The following SLC24A2 variants were observed in gnomAD, a reference collection of about 807,000 sequenced individuals.
SLC24A2 encodes the protein solute carrier family 24 member 2.
SLC24A2 carries 36 observed loss-of-function variants against 62.0 expected under a neutral mutation model. The ratio of observed to expected loss-of-function variants is 0.58; its 90% CI spans 0.44 to 0.77. The LOEUF is 0.77. SLC24A2 is among the 30% of genes least tolerant of loss of function. SLC24A2 has a pLI of 0.00. For synonymous variants in SLC24A2, 358 were observed against 294.0 expected (o/e 1.22, Z -2.23); for missense variants, 846 against 817.9 (o/e 1.03, Z -0.42).
chr9:19,521,089 CAG>C, intron 9 of SLC24A2, 29 bp from the exon 10 acceptor site: 2 of 1,609,688 alleles, frequency 1.2e-6, no homozygotes, highest in Non-Finnish European at 1.7e-6. Flanking sequence ...ATAAACATCT[CAG>C]TGTTTGAAGT....
intron 2 of SLC24A2, among the ~76,000 whole-genome samples, chr9:19,724,472 T>G (rs901225840): frequency 5.3e-5 from 8 of 152,192 alleles, no homozygotes; most frequent in African/African-American, 1.7e-4. Context: ...AAAGATGAAC[T>G]GGGGAAATGT....
At chr9:20,256,009 G>A in the SLC24A2 span, among the ~76,000 whole-genome samples, 88 of 152,284 alleles carry the variant, frequency 5.8e-4, no homozygotes, top group African/African-American at 2.0e-3. Flanking sequence ...ATCTGGTGAG[G>A]CCATTCTTTA....
At chr9:19,847,559 C>T in the SLC24A2 span, among the ~76,000 whole-genome samples, 1 of 151,996 alleles carries the variant, frequency 6.6e-6, no homozygotes, top group Non-Finnish European at 1.5e-5. Context: ...TAATTTGTCT[C>T]AATTACTTAT....
the SLC24A2 span, among the ~76,000 whole-genome samples, chr9:19,937,230 A>T: frequency 6.6e-6 from 1 of 152,200 alleles, no homozygotes; most frequent in African/African-American, 2.4e-5. Context: ...AACTGGGAGA[A>T]TTTTGGCTGC....
chr9:20,149,208 T>C, the SLC24A2 span, among the ~76,000 whole-genome samples: 10 of 152,176 alleles, frequency 6.6e-5, no homozygotes, highest in African/African-American at 2.4e-4. Flanking sequence ...GGCAAACTCC[T>C]GGTAACTCTA....
chr9:19,649,488 T>G (rs1282983874), intron 2 of SLC24A2, among the ~76,000 whole-genome samples: 1 of 152,026 alleles, frequency 6.6e-6, no homozygotes, highest in Admixed American at 6.6e-5. Flanking sequence ...GGGTAGGGGG[T>G]TGGTGAGAAT....
rs972767295 is a variant in SLC24A2, at chr9:19,756,536, T to A, written c.930+29401A>T. Among the ~76,000 whole-genome samples, 3 of 152,186 alleles carry A rather than the reference T, an allele frequency of 2.0e-5. No homozygotes were observed. In the East Asian group the frequency reaches 5.8e-4, roughly 29 times the overall value. ...CCACAAAATTTGATGCTGACAACAA[T>A]ATTTATATATTATCCTACAGTTTCT... On this transcript the variant is annotated intron_variant, in intron 2 of 10. Coordinates refer to ENST00000341998, the MANE Select transcript of SLC24A2 (RefSeq NM_020344.4).
At chr9:19,529,534 T>G (rs7848526) in intron 8 of SLC24A2, among the ~76,000 whole-genome samples, 109,886 of 151,916 alleles carry the variant, frequency 0.72, 40,733 homozygotes, top group East Asian at 0.94. Flanking sequence ...TGGATGACTG[T>G]AAGACCAAGC....
intron 2 of SLC24A2, among the ~76,000 whole-genome samples, chr9:19,718,179 G>T (rs1228101840): frequency 6.7e-6 from 1 of 150,166 alleles, no homozygotes; most frequent in East Asian, 2.0e-4. Flanking sequence ...ATTTCTCCCT[G>T]TTGGTAAGGC....
the SLC24A2 span, among the ~76,000 whole-genome samples, chr9:20,174,546 G>A: frequency 6.6e-6 from 1 of 151,786 alleles, no homozygotes; most frequent in African/African-American, 2.4e-5. Context: ...CTAAGGACAT[G>A]AATAGACATT....
chr9:19,573,337 G>C lies in SLC24A2; in HGVS notation c.1347+14C>G, dbSNP rs76460997. ...AGAACAACAGCCCAGAAGAGCAATG[G>C]AGAAAAGCCATACCTGGGCTTCTGC... On this transcript the variant is annotated intron_variant, in intron 7 of 10. Coordinates refer to ENST00000341998, the MANE Select transcript of SLC24A2 (RefSeq NM_020344.4). 1.5e-3 allele frequency: 2,295 copies of C among 1,529,232 alleles called. 99 individuals are homozygous for C. In the East Asian group the frequency reaches 0.048, roughly 32 times the overall value. The allele number at this position is 1,529,232 out of a possible 1,614,324, so 94.7% of individuals were successfully genotyped here. A position where few individuals can be genotyped will look rare whatever the true frequency, so the allele number is the denominator to read the frequency against.
chr9:19,778,129 T>A (rs1822900639), intron 2 of SLC24A2, among the ~76,000 whole-genome samples: 1 of 152,162 alleles, frequency 6.6e-6, no homozygotes. Context: ...AAATCTATAG[T>A]CTGAAATTTC....
At chr9:20,195,901 A>T in the SLC24A2 span, among the ~76,000 whole-genome samples, 1 of 152,218 alleles carries the variant, frequency 6.6e-6, no homozygotes, top group Non-Finnish European at 1.5e-5. Flanking sequence ...TACAAAAAAA[A>T]GGTTATATAA....
chr9:19,877,374 T>C, the SLC24A2 span, among the ~76,000 whole-genome samples: 1 of 139,170 alleles, frequency 7.2e-6, no homozygotes. Context: ...AACTATGGAG[T>C]TTGGCTCCAT....
chr9:19,659,696 C>T (rs80198781), intron 2 of SLC24A2, among the ~76,000 whole-genome samples: 166 of 152,242 alleles, frequency 1.1e-3, no homozygotes, highest in Middle Eastern at 3.4e-3. Flanking sequence ...GATGACATGC[C>T]TGATTTTCAG....
At chr9:20,280,960 C>G in the SLC24A2 span, among the ~76,000 whole-genome samples, 1 of 152,150 alleles carries the variant, frequency 6.6e-6, no homozygotes, top group Non-Finnish European at 1.5e-5. Context: ...CAAATGGTCT[C>G]TCTCTGTCAC....
chr9:20,200,419 C>G, the SLC24A2 span, among the ~76,000 whole-genome samples: 1 of 152,196 alleles, frequency 6.6e-6, no homozygotes, highest in Admixed American at 6.5e-5. Context: ...GCCAGTAAAG[C>G]AGCATATGGA....
At chr9:19,629,244 T>A (rs1430936624) in intron 2 of SLC24A2, among the ~76,000 whole-genome samples, 1 of 152,144 alleles carries the variant, frequency 6.6e-6, no homozygotes, top group African/African-American at 2.4e-5. Context: ...AATGAGAAAG[T>A]GGCATTTTCC....
the SLC24A2 span, among the ~76,000 whole-genome samples, chr9:20,176,057 C>G: frequency 6.6e-6 from 1 of 152,004 alleles, no homozygotes; most frequent in Non-Finnish European, 1.5e-5. Flanking sequence ...ACTGACCAGT[C>G]TCATGCTTCC....
Sources: gnomAD v4.1 joint callset for allele counts (sites outside exome capture counted in the v4.1 genomes callset) on GRCh38, gnomAD v4.1.1 for gene constraint, MANE v1.5 for transcripts, NCBI Gene and HGNC (gene_info 2026-07-23, HGNC 2026-07-21) for gene names.